Variants in KIRREL3 observed in about 807,000 individuals in gnomAD.
KIRREL3 encodes the protein kirre like nephrin family adhesion molecule 3.
A neutral mutation model predicts 89.7 loss-of-function variants in KIRREL3; 36 were observed. The observed-to-expected ratio is 0.40, with a 90% CI of 0.31 to 0.53. The LOEUF is 0.53. KIRREL3 is among the 20% of genes least tolerant of loss of function. The pLI, the probability that KIRREL3 is intolerant of heterozygous loss-of-function variation, is 0.49. For missense variants in KIRREL3, 864 were observed against 1,056.6 expected, an observed-to-expected ratio of 0.82 and a Z score of 2.53; for synonymous variants, 445 against 441.4, an observed-to-expected ratio of 1.01 and a Z score of -0.10.
rs899762811 is a variant in KIRREL3 at position 126,812,040 on chromosome 11, G to T, written c.55+188415C>A. 4.6e-5 allele frequency among the ~76,000 whole-genome samples: 7 copies of T among 152,124 alleles called. No individual in the cohort carries two copies. The highest frequency in any genetic ancestry group is 8.8e-5 in the Non-Finnish European group (6 of 68,034). On this transcript the variant is annotated intron_variant, in intron 1 of 16. Coordinates refer to ENST00000525144, the MANE Select transcript of KIRREL3 (RefSeq NM_032531.4). The surrounding 1 kb of genome is among the most constrained non-coding windows in gnomAD (Gnocchi z 5.2). ...TGGTGGCAAATATGAGCAGGTTAAG[G>T]CACTTTTCGGGATTAGAGAATCTTC...
rs1280193591 is a variant in KIRREL3, at chr11:126,876,496, C to A, written c.55+123959G>T. 6.6e-6 allele frequency among the ~76,000 whole-genome samples: 1 copy of A among 151,952 alleles called. No individual in the cohort carries two copies. Among genetic ancestry groups the A allele is most frequent in the East Asian group, 1.9e-4 (1 of 5,178 alleles). On this transcript the variant is annotated intron_variant, in intron 1 of 16. Coordinates refer to ENST00000525144, the MANE Select transcript of KIRREL3 (RefSeq NM_032531.4). This position sits in a 1 kb window ranked among gnomAD's most constrained non-coding sequence, Gnocchi z 4.1. ...CCTGCTCACTGTTGCACCTGATACA[C>A]CTATCCTAGTGCTTGGCTTACAGTA...
chr11:126,615,907 TC>T lies in KIRREL3; in HGVS notation c.56-52996del. On this transcript the variant is annotated intron_variant, in intron 1 of 16. Coordinates refer to ENST00000525144, the MANE Select transcript of KIRREL3 (RefSeq NM_032531.4). This position sits in a 1 kb window ranked among gnomAD's most constrained non-coding sequence, Gnocchi z 5.4. ...TGGTCATATGTCTGGGGAGCAGACT[TC>T]TTTGTATGCCCCCGGGGACAGGACA... Among the ~76,000 whole-genome samples, 1 of 152,258 alleles carries T rather than the reference TC, an allele frequency of 6.6e-6. No individual in the cohort carries two copies. Among genetic ancestry groups the T allele is most frequent in the Middle Eastern group, 3.4e-3 (1 of 294 alleles).
At chr11:126,756,849 G>T (rs773980295) in intron 1 of KIRREL3, among the ~76,000 whole-genome samples, 1 of 152,144 alleles carries the variant, frequency 6.6e-6, no homozygotes, top group Non-Finnish European at 1.5e-5. Flanking sequence ...TTCACTGGTG[G>T]GGAAAATTGG....
Position 126,463,330 on chromosome 11 carries a change from G to GA in KIRREL3, c.592-24dup. 6.2e-7 allele frequency: 1 copy of GA among 1,605,320 alleles called. No homozygotes were observed. The highest frequency in any genetic ancestry group is 8.5e-7 in the Non-Finnish European group (1 of 1,173,572). On this transcript the variant is annotated intron_variant, in intron 5 of 16. Coordinates refer to ENST00000525144, the MANE Select transcript of KIRREL3 (RefSeq NM_032531.4). The surrounding 1 kb of genome is among the most constrained non-coding windows in gnomAD (Gnocchi z 5.9). ...GGTCTTGGGAGAAAGGGAAAGGGGA[G>GA]AGAAAGCTCCATGTCGCTTGGCTGG... is the stretch of plus-strand genomic sequence containing the variant.
At position 126,814,151 on chromosome 11, in the gene KIRREL3, A is replaced by C. The variant is rs555048226; in HGVS notation, c.55+186304T>G. Among the ~76,000 whole-genome samples, 6 of 152,338 alleles carry C rather than the reference A, an allele frequency of 3.9e-5. No individual in the cohort carries two copies. The highest frequency in any genetic ancestry group is 8.8e-5 in the Non-Finnish European group (6 of 68,032). ...TACATGTGGCCAACAAATATATGAA[A>C]AAAAGCTTAACATCACTGATCATTA... On this transcript the variant is annotated intron_variant, in intron 1 of 16. Coordinates refer to ENST00000525144, the MANE Select transcript of KIRREL3 (RefSeq NM_032531.4). This position sits in a 1 kb window ranked among gnomAD's most constrained non-coding sequence, Gnocchi z 4.4.
chr11:126,717,320 A>G (rs1295187717), intron 1 of KIRREL3, among the ~76,000 whole-genome samples: 1 of 151,290 alleles, frequency 6.6e-6, no homozygotes, highest in Non-Finnish European at 1.5e-5. Context: ...TTAATGAAAT[A>G]GTGGAAGCGT....
Position 126,896,319 on chromosome 11 carries a change from G to A in KIRREL3, c.55+104136C>T, listed in dbSNP as rs1454065696. Among the ~76,000 whole-genome samples the A allele has an allele frequency of 1.3e-5, 2 of 152,236 alleles. No homozygotes were observed. Among genetic ancestry groups the A allele is most frequent in the Non-Finnish European group, 2.9e-5 (2 of 68,044 alleles). ...CTGCAAGGATGAACATGGTCCATGA[G>A]AAATAGCAGCATCTCCCAGAAAACC... On this transcript the variant is annotated intron_variant, in intron 1 of 16. Coordinates refer to ENST00000525144, the MANE Select transcript of KIRREL3 (RefSeq NM_032531.4). This position sits in a 1 kb window ranked among gnomAD's most constrained non-coding sequence, Gnocchi z 4.1.
At chr11:126,539,972 G>A (rs937084192) in intron 2 of KIRREL3, among the ~76,000 whole-genome samples, 3 of 152,196 alleles carry the variant, frequency 2.0e-5, no homozygotes, top group Non-Finnish European at 4.4e-5. Flanking sequence ...TAGCTGCCTT[G>A]GGTGAAACAT....
intron 1 of KIRREL3, among the ~76,000 whole-genome samples, chr11:126,998,522 C>T (rs1444664966): frequency 2.6e-5 from 4 of 152,190 alleles, no homozygotes; most frequent in Non-Finnish European, 5.9e-5. Flanking sequence ...GCATTAAGAA[C>T]TGCATGATGT....
intron 1 of KIRREL3, among the ~76,000 whole-genome samples, chr11:126,713,149 A>G (rs1233176395): frequency 1.3e-5 from 2 of 152,208 alleles, no homozygotes; most frequent in African/African-American, 2.4e-5. Flanking sequence ...CCAAGAGCGG[A>G]GGAGTTGGGG....
intron 1 of KIRREL3, among the ~76,000 whole-genome samples, chr11:126,966,351 C>T (rs1203934417): frequency 7.2e-5 from 11 of 152,140 alleles, no homozygotes; most frequent in African/African-American, 2.7e-4. Context: ...ATTGTCAGAG[C>T]AGCATGCGTC....
intron 1 of KIRREL3, chr11:126,936,750 T>C (rs1948207213): frequency 6.6e-6 from 1 of 151,978 alleles, no homozygotes; most frequent in Non-Finnish European, 1.5e-5. Flanking sequence ...CCCACAGCAG[T>C]GGGTGGGAAT....
At chr11:126,546,481 C>G (rs55977994) in intron 2 of KIRREL3, among the ~76,000 whole-genome samples, 1 of 152,118 alleles carries the variant, frequency 6.6e-6, no homozygotes, top group African/African-American at 2.4e-5. Context: ...AGGCACAGAG[C>G]CTGTGCTGAC....
At chr11:126,972,660 G>A (rs1046436881) in intron 1 of KIRREL3, among the ~76,000 whole-genome samples, 1 of 152,142 alleles carries the variant, frequency 6.6e-6, no homozygotes, top group Admixed American at 6.6e-5. Context: ...GCCCAATGTT[G>A]TTTTCCATTT....
rs960476217 is a variant in KIRREL3 at position 126,656,941 on chromosome 11, G to A, written c.56-94029C>T. 6.6e-6 allele frequency among the ~76,000 whole-genome samples: 1 copy of A among 151,950 alleles called. No homozygotes were observed. The highest frequency in any genetic ancestry group is 2.1e-4 in the South Asian group (1 of 4,824). ...GTGGTGTGTGCTTGTGGTCCTGGCT[G>A]CTTGGGAGGCTGAGGCATGAGAGTG... On this transcript the variant is annotated intron_variant, in intron 1 of 16. Transcript: ENST00000525144. This position sits in a 1 kb window ranked among gnomAD's most constrained non-coding sequence, Gnocchi z 4.0.
chr11:126,952,624 T>C (rs1298962843), intron 1 of KIRREL3, among the ~76,000 whole-genome samples: 2 of 152,258 alleles, frequency 1.3e-5, no homozygotes, highest in Non-Finnish European at 2.9e-5. Context: ...GCTTTTGGTG[T>C]TTTAGTCATG....
rs1156395436 is a variant in KIRREL3, at chr11:126,684,338, C to A, written c.56-121426G>T. 6.6e-6 allele frequency among the ~76,000 whole-genome samples: 1 copy of A among 152,220 alleles called. No individual in the cohort carries two copies. The highest frequency in any genetic ancestry group is 2.4e-5 in the African/African-American group (1 of 41,474). On this transcript the variant is annotated intron_variant, in intron 1 of 16. Coordinates refer to ENST00000525144, the MANE Select transcript of KIRREL3 (RefSeq NM_032531.4). The surrounding 1 kb of genome is among the most constrained non-coding windows in gnomAD (Gnocchi z 4.2). ...TCAACATTGCTGATATTTTGAACAG[C>A]AGAATCCTTATCACAAAGCCAATGG...
chr11:126,765,499 G>A (rs548731005), intron 1 of KIRREL3, among the ~76,000 whole-genome samples: 2 of 152,222 alleles, frequency 1.3e-5, no homozygotes, highest in Admixed American at 6.5e-5. Context: ...TTATCTCAAC[G>A]GGTCTGTGTC....
chr11:126,979,308 T>C (rs966008471), intron 1 of KIRREL3, among the ~76,000 whole-genome samples: 1 of 152,260 alleles, frequency 6.6e-6, no homozygotes. Flanking sequence ...AACATTCATA[T>C]TAAAGTTGTA....
Sources: allele counts gnomAD v4.1 joint callset (sites outside exome capture counted in the v4.1 genomes callset), GRCh38; gene constraint gnomAD v4.1.1; non-coding constraint Gnocchi (gnomAD v3.1); transcripts MANE v1.5; gene names NCBI Gene and HGNC (gene_info 2026-07-23, HGNC 2026-07-21).